Variants in USP7 observed in about 807,000 individuals in gnomAD.
USP7 encodes ubiquitin specific peptidase 7, also known as ubiquitin C-terminal hydrolase 7.
In USP7, 9 loss-of-function variants were observed where a neutral mutation model predicts 162.9. That is an observed-to-expected ratio of 0.06 (90% CI 0.03 to 0.10). The LOEUF is 0.10. USP7 is among the 10% of genes least tolerant of loss of function. The probability of loss-of-function intolerance (pLI) is 1.00; values close to 1 mark genes in which losing one functional copy is unlikely to be tolerated. For synonymous variants in USP7, 562 were observed against 475.9 expected, an observed-to-expected ratio of 1.18 and a Z score of -2.35; for missense variants, 715 against 1,373.7, an observed-to-expected ratio of 0.52 and a Z score of 7.58.
At chr16:8,955,767 T>C (rs529665018) in intron 1 of USP7, among the ~76,000 whole-genome samples, 1 of 152,008 alleles carries the variant, frequency 6.6e-6, no homozygotes, top group South Asian at 2.1e-4. Context: ...ATATAATTTA[T>C]TCCCCAAAGT....
Position 8,913,493 on chromosome 16 carries a change from G to A in USP7, c.1078+1761C>T, listed in dbSNP as rs1010197378. Among the ~76,000 whole-genome samples the A allele has an allele frequency of 5.9e-5, 9 of 151,996 alleles. No homozygotes were observed. The East Asian group carries it at 9.6e-4, about 16-fold the overall frequency. On this transcript the variant is annotated intron_variant, in intron 10 of 30. Transcript: ENST00000344836. Reference sequence around the variant, plus strand: ...ACAGCCCACTTCTCAGAAATGAGGCGAGCAAGAAGACGGTAGAACGTCTAA... The same window carrying A: ...ACAGCCCACTTCTCAGAAATGAGGCAAGCAAGAAGACGGTAGAACGTCTAA...
chr16:8,950,188 C>T (rs556681919), intron 1 of USP7, among the ~76,000 whole-genome samples: 71 of 152,290 alleles, frequency 4.7e-4, no homozygotes, highest in African/African-American at 1.6e-3. Flanking sequence ...TTAATTTAAT[C>T]AACCACATGT....
chr16:8,918,319 T>A (rs1337920401), intron 6 of USP7, among the ~76,000 whole-genome samples: 1 of 152,156 alleles, frequency 6.6e-6, no homozygotes, highest in East Asian at 1.9e-4. Flanking sequence ...CACAAGTAAT[T>A]CTCAAAATAG....
At chr16:8,932,128 G>A (rs949144941) in intron 1 of USP7, among the ~76,000 whole-genome samples, 3 of 152,044 alleles carry the variant, frequency 2.0e-5, no homozygotes, top group Non-Finnish European at 4.4e-5. Flanking sequence ...AATAATTCCT[G>A]AATAAAATGG....
intron 3 of USP7, 134 bp from the exon 4 acceptor site, chr16:8,921,429 A>C: frequency 9.5e-7 from 1 of 1,048,484 alleles, no homozygotes; most frequent in Non-Finnish European, 1.3e-6. Context: ...TTGGGGTTAA[A>C]GGTAGGATGG....
chr16:8,916,945 T>C, intron 7 of USP7, 81 bp downstream of exon 7: 3 of 1,451,832 alleles, frequency 2.1e-6, no homozygotes, highest in Non-Finnish European at 2.7e-6. Flanking sequence ...TCTACTAACT[T>C]TTCTATTCTC....
chr16:8,915,403 A>G, intron 9 of USP7, 42 bp downstream of exon 9: 1 of 1,611,620 alleles, frequency 6.2e-7, no homozygotes, highest in Non-Finnish European at 8.5e-7. Context: ...TTCACATTCT[A>G]AAACCTTTAA....
intron 1 of USP7, among the ~76,000 whole-genome samples, chr16:8,954,453 C>T (rs1237494620): frequency 6.6e-6 from 1 of 152,182 alleles, no homozygotes; most frequent in Non-Finnish European, 1.5e-5. Flanking sequence ...TGACTGCATT[C>T]GGGTCATGGG....
chr16:8,923,609 T>C (rs1347757535), intron 2 of USP7, among the ~76,000 whole-genome samples, 196 bp from the exon 3 acceptor site: 1 of 152,226 alleles, frequency 6.6e-6, no homozygotes, highest in African/African-American at 2.4e-5. Context: ...AATTCTTCCT[T>C]ATGAAGTCCA....
chr16:8,930,462 A>G, intron 1 of USP7, 65 bp from the exon 2 acceptor site: 2 of 1,178,066 alleles, frequency 1.7e-6, no homozygotes, highest in Non-Finnish European at 2.4e-6. Flanking sequence ...TAAGCAAAAT[A>G]TAAACTTATA....
intron 16 of USP7, 57 bp downstream of exon 16, chr16:8,903,211 G>C (rs9788866): frequency 1.1e-5 from 17 of 1,581,150 alleles, no homozygotes; most frequent in Non-Finnish European, 1.4e-5. Flanking sequence ...TAGTGACACG[G>C]AAGGAAGGTG....
chr16:8,941,562 C>T (rs898248450), intron 1 of USP7, among the ~76,000 whole-genome samples: 1 of 152,220 alleles, frequency 6.6e-6, no homozygotes, highest in Non-Finnish European at 1.5e-5. Flanking sequence ...GCTTTTTTGT[C>T]CACGCACGAT....
intron 18 of USP7, among the ~76,000 whole-genome samples, chr16:8,901,697 G>C (rs1046769490): frequency 1.3e-5 from 2 of 152,198 alleles, no homozygotes; most frequent in South Asian, 4.1e-4. Flanking sequence ...CAGCCAGCTC[G>C]TTCATTTATA....
intron 1 of USP7, among the ~76,000 whole-genome samples, chr16:8,949,076 C>T (rs765138075): frequency 6.6e-6 from 1 of 152,182 alleles, no homozygotes; most frequent in Non-Finnish European, 1.5e-5. Flanking sequence ...TGAAAATGTG[C>T]TCGAATTGAA....
chr16:8,898,686 A>G, intron 23 of USP7, 47 bp from the exon 24 acceptor site: 2 of 1,445,994 alleles, frequency 1.4e-6, no homozygotes, highest in Non-Finnish European at 1.9e-6. Flanking sequence ...TTATTTGCCT[A>G]AAAACAAATA....
chr16:8,910,950 T>C (rs564429248), intron 10 of USP7, 123 bp from the exon 11 acceptor site: 2 of 783,738 alleles, frequency 2.6e-6, no homozygotes, highest in East Asian at 2.7e-5. Context: ...ACACTAACAG[T>C]AACTCTCCCC....
intron 1 of USP7, among the ~76,000 whole-genome samples, chr16:8,959,942 C>T (rs1331600801): frequency 1.3e-5 from 2 of 152,320 alleles, no homozygotes; most frequent in African/African-American, 2.4e-5. Flanking sequence ...AGAGCCGACA[C>T]TGAAACAGAG....
intron 1 of USP7, among the ~76,000 whole-genome samples, chr16:8,955,028 C>T (rs1899727799): frequency 6.6e-6 from 1 of 152,326 alleles, no homozygotes; most frequent in South Asian, 2.1e-4. Flanking sequence ...GCTCAGCTAC[C>T]ACGAGATGAA....
At chr16:8,957,184 T>C (rs1175447414) in intron 1 of USP7, among the ~76,000 whole-genome samples, 1 of 152,250 alleles carries the variant, frequency 6.6e-6, no homozygotes, top group Admixed American at 6.5e-5. Flanking sequence ...TGACTTCTCA[T>C]TAGCTGAGGC....
Sources: gnomAD v4.1 joint callset for allele counts (sites outside exome capture counted in the v4.1 genomes callset) on GRCh38, gnomAD v4.1.1 for gene constraint, MANE v1.5 for transcripts, NCBI Gene and HGNC (gene_info 2026-07-23, HGNC 2026-07-21) for gene names.